The following ATP9B variants were observed in gnomAD, a reference collection of about 807,000 sequenced individuals.
ATP9B encodes the protein probable phospholipid-transporting ATPase IIB.
Under a neutral mutation model 146.1 loss-of-function variants are expected in ATP9B, and 110 were observed. That is an observed-to-expected ratio of 0.75 (90% CI 0.65 to 0.88). The LOEUF (loss-of-function observed/expected upper bound fraction) is 0.88. ATP9B is among the 40% of genes least tolerant of loss of function. The pLI, the probability that ATP9B is intolerant of heterozygous loss-of-function variation, is 0.00. For synonymous variants in ATP9B, 604 were observed against 569.7 expected, an observed-to-expected ratio of 1.06 and a Z score of -0.86; for missense variants, 1,499 against 1,496.4, an observed-to-expected ratio of 1.00 and a Z score of -0.03.
intron 7 of ATP9B, among the ~76,000 whole-genome samples, chr18:79,175,943 C>G (rs1443644809): frequency 6.6e-6 from 1 of 152,110 alleles, no homozygotes; most frequent in Non-Finnish European, 1.5e-5. Flanking sequence ...TATACAAATT[C>G]TCTCTCCTCC....
chr18:79,126,138 TG>T, intron 4 of ATP9B, 128 bp from the exon 5 acceptor site: 1 of 692,368 alleles, frequency 1.4e-6, no homozygotes, highest in Non-Finnish European at 2.3e-6. Flanking sequence ...TTGACTTTTT[TG>T]GTTTTCATTT....
intron 4 of ATP9B, chr18:79,117,811 C>T (rs2094113972): frequency 6.6e-6 from 1 of 152,150 alleles, no homozygotes; most frequent in African/African-American, 2.4e-5. Flanking sequence ...TTTTCTCCAC[C>T]TTCCACCACA....
chr18:79,125,661 T>A (rs959127748), intron 4 of ATP9B, among the ~76,000 whole-genome samples: 3 of 152,196 alleles, frequency 2.0e-5, no homozygotes, highest in African/African-American at 7.2e-5. Flanking sequence ...ATATTAGTGG[T>A]ATAATGGGCT....
chr18:79,122,120 T>C (rs1039043030), intron 4 of ATP9B, among the ~76,000 whole-genome samples: 12 of 152,206 alleles, frequency 7.9e-5, no homozygotes, highest in African/African-American at 1.4e-4. Flanking sequence ...AGCAAATTTA[T>C]GTTACAAAAA....
intron 11 of ATP9B, among the ~76,000 whole-genome samples, chr18:79,242,281 C>T (rs922366410): frequency 1.3e-5 from 2 of 152,174 alleles, no homozygotes; most frequent in African/African-American, 4.8e-5. Flanking sequence ...AGTCAGGGCA[C>T]TAGCCTATAG....
At chr18:79,227,431 G>T (rs1600660648) in intron 11 of ATP9B, among the ~76,000 whole-genome samples, 1 of 149,582 alleles carries the variant, frequency 6.7e-6, no homozygotes, top group African/African-American at 2.5e-5. Flanking sequence ...GGGTGGATGA[G>T]TGGGTGAATC....
intron 12 of ATP9B, among the ~76,000 whole-genome samples, chr18:79,263,078 A>G (rs2096161447): frequency 6.6e-6 from 1 of 152,182 alleles, no homozygotes; most frequent in South Asian, 2.1e-4. Flanking sequence ...GGGCTTTACA[A>G]TTTTTATTTC....
chr18:79,126,449 T>TTTTC, intron 5 of ATP9B, 74 bp downstream of exon 5: 2 of 1,004,096 alleles, frequency 2.0e-6, no homozygotes, highest in Non-Finnish European at 3.0e-6. Context: ...ATAACAAATG[T>TTTTC]ATGAAAACAT....
intron 12 of ATP9B, among the ~76,000 whole-genome samples, chr18:79,256,286 T>TATATATATATATATGTATACACACAC (rs398033647): frequency 8.1e-6 from 1 of 123,074 alleles, no homozygotes; most frequent in African/African-American, 3.2e-5. Context: ...TATATATATA[T>TATATATATATATATGTATACACACAC]ACATACATAG....
chr18:79,083,683 C>T (rs2073502422), intron 1 of ATP9B, among the ~76,000 whole-genome samples: 1 of 152,106 alleles, frequency 6.6e-6, no homozygotes, highest in South Asian at 2.1e-4. Flanking sequence ...ACCCCTTGTG[C>T]TTCCCGGGTG....
intron 1 of ATP9B, among the ~76,000 whole-genome samples, chr18:79,095,159 C>T (rs1047257224): frequency 6.6e-6 from 1 of 152,178 alleles, no homozygotes; most frequent in Non-Finnish European, 1.5e-5. Flanking sequence ...TTCTGAAGAG[C>T]TCTTAATTTC....
At position 79,180,486 on chromosome 18, in the gene ATP9B, CT is replaced by C. The variant is rs1279520558; in HGVS notation, c.873+3582del. 2.0e-5 allele frequency among the ~76,000 whole-genome samples: 3 copies of C among 152,094 alleles called. No homozygotes were observed. The South Asian group carries it at 6.2e-4, about 32-fold the overall frequency. On this transcript the variant is annotated intron_variant, in intron 8 of 29. Transcript: ENST00000426216. ...AGATGCCCATGGCTTCCTTCCCATC[CT>C]TTGTATTCATGTCAGCTGTCGTACT...
In ATP9B at chr18:79,118,390, G is replaced by GGT. The variant is rs1555689295; in HGVS notation, c.558+5036_558+5037insGT. Reference sequence around the variant, plus strand: ...AAACACAATCATATTGAACGTTTTTGTTTTTTTTTTTTTTTTTTTTTTTTT... The same window carrying GGT: ...AAACACAATCATATTGAACGTTTTTGGTTTTTTTTTTTTTTTTTTTTTTTTTT... On this transcript the variant is annotated intron_variant, in intron 4 of 29. Transcript: ENST00000426216. Among the ~76,000 whole-genome samples the GGT allele has an allele frequency of 3.8e-3, 356 of 93,268 alleles. 16 individuals carry two copies. The highest frequency in any genetic ancestry group is 7.3e-3 in the South Asian group (22 of 3,012). 61.2% of individuals were successfully genotyped at this position (93,268 alleles called of 152,430 possible).
intron 15 of ATP9B, among the ~76,000 whole-genome samples, chr18:79,318,472 A>G (rs1043823499): frequency 2.6e-5 from 4 of 152,246 alleles, no homozygotes; most frequent in African/African-American, 9.6e-5. Context: ...AGTACTTCTC[A>G]AAACTGTGGA....
intron 1 of ATP9B, among the ~76,000 whole-genome samples, chr18:79,087,867 A>G (rs955872980): frequency 1.3e-5 from 2 of 152,126 alleles, no homozygotes; most frequent in African/African-American, 2.4e-5. Flanking sequence ...CCATTCTGTC[A>G]TCTTTGTTCA....
chr18:79,162,261 G>A (rs1341053125), intron 7 of ATP9B, among the ~76,000 whole-genome samples: 1 of 152,166 alleles, frequency 6.6e-6, no homozygotes, highest in Non-Finnish European at 1.5e-5. Flanking sequence ...TCATGGCATC[G>A]TATTGACTGT....
intron 6 of ATP9B, chr18:79,146,608 G>C: frequency 3.8e-6 from 1 of 262,776 alleles, no homozygotes; most frequent in East Asian, 1.3e-4. Context: ...GCTGCGTGTC[G>C]GGGGAGCTGG....
At chr18:79,228,820 T>C (rs912235460) in intron 11 of ATP9B, among the ~76,000 whole-genome samples, 1 of 151,864 alleles carries the variant, frequency 6.6e-6, no homozygotes, top group Non-Finnish European at 1.5e-5. Context: ...AGGCAAGGAG[T>C]TTGAGACCAG....
rs140410126 is a variant in ATP9B, at chr18:79,205,550, G to T, written c.955-1387G>T. ...TCATAACAAAATACAGTTTGTGGAG[G>T]GGGCATTATTTTACGGGAGACGCCC... On this transcript the variant is annotated intron_variant, in intron 9 of 29. Transcript: ENST00000426216. 2.4e-3 allele frequency among the ~76,000 whole-genome samples: 361 copies of T among 152,120 alleles called. 2 individuals are homozygous for T. The highest frequency in any genetic ancestry group is 6.4e-3 in the South Asian group (31 of 4,814).
Sources: allele counts gnomAD v4.1 joint callset (sites outside exome capture counted in the v4.1 genomes callset), GRCh38; gene constraint gnomAD v4.1.1; transcripts MANE v1.5; gene names NCBI Gene and HGNC (gene_info 2026-07-23, HGNC 2026-07-21).